The following RNF224 variants were observed in gnomAD, a reference collection of about 807,000 sequenced individuals.
RNF224 encodes the protein ring finger protein 224.
RNF224 carries 1 observed loss-of-function variant against 2.9 expected under a neutral mutation model. That is an observed-to-expected ratio of 0.35 (90% confidence interval 0.12 to 1.66). The LOEUF is 1.66. Among genes scored for constraint, RNF224 ranks in the 40% most tolerant of loss-of-function variants. The probability of loss-of-function intolerance (pLI) is 0.35; values close to 1 mark genes in which losing one functional copy is unlikely to be tolerated. For synonymous variants in RNF224, 116 were observed against 97.6 expected, an observed-to-expected ratio of 1.19 and a Z score of -1.11; for missense variants, 254 against 221.8, an observed-to-expected ratio of 1.15 and a Z score of -0.92.
chr9:137,228,116 G>A (rs866969782), intron 1 of RNF224, 36 bp from the exon 2 acceptor site: 30 of 556,074 alleles, frequency 5.4e-5, no homozygotes, highest in Admixed American at 4.6e-4. Context: ...GGGGGCGGGG[G>A]GCACCTTATC....
At chr9:137,228,048 C>A (rs1332935366) in intron 1 of RNF224, 104 bp from the exon 2 acceptor site, 9 of 463,812 alleles carry the variant, frequency 1.9e-5, no homozygotes, top group African/African-American at 6.8e-5. Flanking sequence ...GACCCCAAGG[C>A]CAGCCTGGAT....
rs1390482675 is a variant in RNF224, at chr9:137,228,916, G to A, written c.301G>A (p.Ala101Thr). ...GGCGGTCAAGGCTGAGCGGGAGCCG[G>A]CAAGACTAGAACCCCTGCCCCTCAC... Reference protein sequence around the residue: ...FLAVKAEREPARLEPLPLTSL... With the variant: ...FLAVKAEREPTRLEPLPLTSL... Residue 101 changes from alanine to threonine, a missense_variant, in exon 3 of 3, where the codon GCA becomes ACA. Ala to Thr is a moderately conservative substitution (Grantham distance 58, BLOSUM62 0). Transcript: ENST00000445101. 1.3e-6 allele frequency: 2 copies of A among 1,535,754 alleles called. No individual in the cohort carries two copies. The highest frequency in any genetic ancestry group is 2.4e-5 in the South Asian group (2 of 84,064).
Position 137,229,059 on chromosome 9 carries a change from C to T in RNF224, c.444C>T (p.Cys148=). The part of the protein sequence containing the change: ...YCCWGCGSLC[C]PPLGSPEV ...GCTGGGGCTGTGGCAGCCTCTGCTG[C>T]CCACCCCTAGGCAGCCCCGAGGTCT... The change falls in exon 3 of 3, where the codon TGC becomes TGT. Residue 148 remains cysteine (C), a synonymous_variant. Transcript: ENST00000445101. 6.5e-7 allele frequency: 1 copy of T among 1,532,186 alleles called. No individual in the cohort carries two copies. The highest frequency in any genetic ancestry group is 8.7e-7 in the Non-Finnish European group (1 of 1,143,912). The allele number at this position is 1,532,186 out of a possible 1,614,324, so 94.9% of individuals were successfully genotyped here. A position where few individuals can be genotyped will look rare whatever the true frequency, so the allele number is the denominator to read the frequency against.
At chr9:137,228,419 G>T (rs1018713984) in intron 2 of RNF224, 78 bp downstream of exon 2, 1 of 1,341,950 alleles carries the variant, frequency 7.5e-7, no homozygotes, top group Admixed American at 2.9e-5. Context: ...GGAACAGGAG[G>T]CTGCCCGGCT....
rs149181335 is a variant in RNF224 at position 137,228,772 on chromosome 9, C to T, written c.157C>T (p.Arg53Trp). ...CGHTFCQACVRRLDTPAPEQR... is the reference protein window; with the variant it reads ...CGHTFCQACVWRLDTPAPEQR... Reference sequence around the variant, plus strand: ...ACACACCTTCTGCCAGGCGTGTGTGCGGCGGCTGGACACACCGGCGCCCGA... The same window carrying T: ...ACACACCTTCTGCCAGGCGTGTGTGTGGCGGCTGGACACACCGGCGCCCGA... The change falls in exon 3 of 3, where the codon CGG becomes TGG. Residue 53 changes from arginine (R) to tryptophan (W), a missense_variant. Transcript: ENST00000445101. 5.7e-5 allele frequency: 87 copies of T among 1,532,880 alleles called. No individual in the cohort carries two copies. Among genetic ancestry groups the T allele is most frequent in the Middle Eastern group, 5.3e-4 (3 of 5,686 alleles). The allele number at this position is 1,532,880 out of a possible 1,614,324, so 95.0% of individuals were successfully genotyped here. A position where few individuals can be genotyped will look rare whatever the true frequency, so the allele number is the denominator to read the frequency against.
At position 137,228,732 on chromosome 9, in the gene RNF224, C is replaced by G; in HGVS notation, c.117C>G (p.Arg39=). 1 of 1,530,418 alleles carries G rather than the reference C, an allele frequency of 6.5e-7. No individual in the cohort carries two copies. The highest frequency in any genetic ancestry group is 8.7e-7 in the Non-Finnish European group (1 of 1,143,344). The allele number at this position is 1,530,418 out of a possible 1,614,324, so 94.8% of individuals were successfully genotyped here. ...ATGACCTCTCCGGGCACCTGCCCCG[C>G]CGCCTCTACTGTGGACACACCTTCT... ...SAYDLSGHLP[R]RLYCGHTFCQ... The change falls in exon 3 of 3, where the codon CGC becomes CGG. Residue 39 remains arginine, a synonymous_variant. Transcript: ENST00000445101.
chr9:137,228,910 G>A lies in RNF224; in HGVS notation c.295G>A (p.Glu99Lys), dbSNP rs909989055. 6.5e-7 allele frequency: 1 copy of A among 1,535,748 alleles called. No individual in the cohort carries two copies. Among genetic ancestry groups the A allele is most frequent in the Non-Finnish European group, 8.7e-7 (1 of 1,146,816 alleles). ...AAFLAVKAER[E>K]PARLEPLPLT... Reference sequence around the variant, plus strand: ...TTTCCTGGCGGTCAAGGCTGAGCGGGAGCCGGCAAGACTAGAACCCCTGCC... The same window carrying A: ...TTTCCTGGCGGTCAAGGCTGAGCGGAAGCCGGCAAGACTAGAACCCCTGCC... The change falls in exon 3 of 3, where the codon GAG becomes AAG. Residue 99 changes from glutamate to lysine, a missense_variant. Physicochemically the swap from Glu to Lys is moderately conservative, Grantham distance 56. Coordinates refer to ENST00000445101, the MANE Select transcript of RNF224 (RefSeq NM_001190228.2).
At chr9:137,228,125 T>C (rs1253847746) in intron 1 of RNF224, 27 bp from the exon 2 acceptor site, 2 of 563,692 alleles carry the variant, frequency 3.5e-6, no homozygotes, top group Non-Finnish European at 6.3e-6. Flanking sequence ...GGGCACCTTA[T>C]CTCTTGCAAG....
In RNF224 at chr9:137,229,351, T is replaced by G. The variant is rs766836805; in HGVS notation, c.*265T>G. 2 of 536,276 alleles carry G rather than the reference T, an allele frequency of 3.7e-6. No homozygotes were observed. The highest frequency in any genetic ancestry group is 6.7e-6 in the Non-Finnish European group (2 of 297,164). 33.2% of individuals were successfully genotyped at this position (536,276 alleles called of 1,614,324 possible). On this transcript the variant is annotated 3_prime_UTR_variant, in exon 3 of 3. Transcript: ENST00000445101. ...GACCCCAGACTAGCCCGACCGGATG[T>G]GCCTGGTGAGGACACTGCTGTCTGA...
chr9:137,229,097 T>G lies in RNF224; in HGVS notation c.*11T>G. 2 of 1,439,244 alleles carry G rather than the reference T, an allele frequency of 1.4e-6. No individual in the cohort carries two copies. The highest frequency in any genetic ancestry group is 1.9e-6 in the Non-Finnish European group (2 of 1,062,564). 89.2% of individuals were successfully genotyped at this position (1,439,244 alleles called of 1,614,324 possible). The stretch of plus-strand genomic sequence containing the variant: ...AGCCCCGAGGTCTGAACTCTGGCCA[T>G]TCCCACCCCTGCAGGGGAAATGCCT... On this transcript the variant is annotated 3_prime_UTR_variant, in exon 3 of 3. Coordinates refer to ENST00000445101, the MANE Select transcript of RNF224 (RefSeq NM_001190228.2).
In RNF224 at chr9:137,228,360, G is replaced by A. The variant is rs1249062142; in HGVS notation, c.6+19G>A. 1 of 1,472,056 alleles carries A rather than the reference G, an allele frequency of 6.8e-7. No individual in the cohort carries two copies. Among genetic ancestry groups the A allele is most frequent in the Middle Eastern group, 1.8e-4 (1 of 5,712 alleles). 91.2% of individuals were successfully genotyped at this position (1,472,056 alleles called of 1,614,324 possible). A position where few individuals can be genotyped will look rare whatever the true frequency, so the allele number is the denominator to read the frequency against. The stretch of plus-strand genomic sequence containing the variant: ...CATGCAGGTAAGAGGCCTGGGCTCA[G>A]GTCGGCCAGGAGGGTGGGGGCCTGG... On this transcript the variant is annotated intron_variant, in intron 2 of 2. Transcript: ENST00000445101.
Position 137,228,776 on chromosome 9 carries a change from G to T in RNF224, c.161G>T (p.Arg54Leu), listed in dbSNP as rs558424599. Residue 54 changes from arginine (R) to leucine (L), a missense_variant, in exon 3 of 3, where the codon CGG becomes CTG. Physicochemically the swap from Arg to Leu is moderately radical, Grantham distance 102 (BLOSUM62 -2). Coordinates refer to ENST00000445101, the MANE Select transcript of RNF224 (RefSeq NM_001190228.2). ...GHTFCQACVR[R>L]LDTPAPEQRW... ...ACCTTCTGCCAGGCGTGTGTGCGGC[G>T]GCTGGACACACCGGCGCCCGAGCAG... is the stretch of plus-strand genomic sequence containing the variant. 2 of 1,533,270 alleles carry T rather than the reference G, an allele frequency of 1.3e-6. No individual in the cohort carries two copies. The highest frequency in any genetic ancestry group is 8.7e-7 in the Non-Finnish European group (1 of 1,145,318). 95.0% of individuals were successfully genotyped at this position (1,533,270 alleles called of 1,614,324 possible).
chr9:137,227,834 A>C lies in RNF224; in HGVS notation c.-212A>C. ...AGGAGGGAACCCTGGCAGGCTTCCT[A>C]GAGGAGGAGATGTGAGCAGAGGCCA... On this transcript the variant is annotated 5_prime_UTR_variant, in exon 1 of 3. Transcript: ENST00000445101. 1.3e-5 allele frequency: 2 copies of C among 154,358 alleles called. No homozygotes were observed. The highest frequency in any genetic ancestry group is 3.2e-3 in the Middle Eastern group (1 of 308). The allele number at this position is 154,358 out of a possible 1,614,324, so 9.6% of individuals were successfully genotyped here.
In RNF224 at chr9:137,228,895, G is replaced by A. The variant is rs1213882432; in HGVS notation, c.280G>A (p.Val94Ile). ...CCTGGACCTGGCTGCTTTCCTGGCG[G>A]TCAAGGCTGAGCGGGAGCCGGCAAG... is the stretch of plus-strand genomic sequence containing the variant. ...LDLDLAAFLA[V>I]KAEREPARLE... is the part of the protein sequence containing the mutation. Residue 94 changes from valine (V) to isoleucine (I), a missense_variant, in exon 3 of 3, where the codon GTC (valine) becomes ATC (isoleucine). Coordinates refer to ENST00000445101, the MANE Select transcript of RNF224 (RefSeq NM_001190228.2). 3.3e-6 allele frequency: 5 copies of A among 1,535,602 alleles called. No homozygotes were observed. The highest frequency in any genetic ancestry group is 4.4e-6 in the Non-Finnish European group (5 of 1,146,824).
At position 137,228,726 on chromosome 9, in the gene RNF224, G is replaced by GC; in HGVS notation, c.115dup (p.Arg39ProfsTer59). On this transcript the variant is annotated frameshift_variant, in exon 3 of 3. Coordinates refer to ENST00000445101, the MANE Select transcript of RNF224 (RefSeq NM_001190228.2). LOFTEE classifies it low-confidence loss of function (END_TRUNC). Reference sequence around the variant, plus strand: ...CGGCCTATGACCTCTCCGGGCACCTGCCCCGCCGCCTCTACTGTGGACACA... The same window carrying GC: ...CGGCCTATGACCTCTCCGGGCACCTGCCCCCGCCGCCTCTACTGTGGACACA... The GC allele has an allele frequency of 6.5e-7, 1 of 1,529,736 alleles. No individual in the cohort carries two copies. Among genetic ancestry groups the GC allele is most frequent in the Non-Finnish European group, 8.7e-7 (1 of 1,143,002 alleles). The allele number at this position is 1,529,736 out of a possible 1,614,324, so 94.8% of individuals were successfully genotyped here. A position where few individuals can be genotyped will look rare whatever the true frequency, so the allele number is the denominator to read the frequency against.
At chr9:137,228,457 G>T in intron 2 of RNF224, 116 bp downstream of exon 2, 2 of 1,167,228 alleles carry the variant, frequency 1.7e-6, no homozygotes, top group Non-Finnish European at 2.3e-6. Context: ...GAAGTGTGCA[G>T]ACCCTGGTTC....
rs1477843657 is a variant in RNF224 at position 137,228,854 on chromosome 9, G to T, written c.239G>T (p.Gly80Val). 5.2e-6 allele frequency: 8 copies of T among 1,535,616 alleles called. No homozygotes were observed. In the East Asian group the frequency reaches 1.2e-4, roughly 23 times the overall value. Residue 80 changes from glycine to valine, a missense_variant, in exon 3 of 3, where the codon GGG becomes GTG. Transcript: ENST00000445101. The part of the protein sequence containing the change: ...CRQSTPTPRG[G>V]VAMLDLDLAA... ...CAGAGCACGCCCACGCCTCGCGGAGGGGTGGCCATGCTAGACCTGGACCTG... is the reference window on the plus strand; with the variant it reads ...CAGAGCACGCCCACGCCTCGCGGAGTGGTGGCCATGCTAGACCTGGACCTG...
chr9:137,228,659 GGGGGCCCCC>G lies in RNF224; in HGVS notation c.47_55del (p.Gly16_Pro18del). The G allele has an allele frequency of 6.9e-7, 1 of 1,459,844 alleles. No homozygotes were observed. The highest frequency in any genetic ancestry group is 2.5e-5 in the East Asian group (1 of 40,066). The allele number at this position is 1,459,844 out of a possible 1,614,324, so 90.4% of individuals were successfully genotyped here. ...GGAGGGCCCCCAGGCCTCGGAGGAGGGGGGCCCCCGGAGGAGAGGACAGACTGCATCATC... is the reference window on the plus strand; with the variant it reads ...GGAGGGCCCCCAGGCCTCGGAGGAGGGGAGGAGAGGACAGACTGCATCATC... On this transcript the variant is annotated inframe_deletion, in exon 3 of 3. Transcript: ENST00000445101.
At chr9:137,228,572 G>C in intron 2 of RNF224, 50 bp from the exon 3 acceptor site, 1 of 1,371,012 alleles carries the variant, frequency 7.3e-7, no homozygotes, top group Non-Finnish European at 9.6e-7. Flanking sequence ...ACCCCATCCA[G>C]GCGGAAGGTC....
Sources: gnomAD v4.1 joint callset for allele counts on GRCh38, gnomAD v4.1.1 for gene constraint, MANE v1.5 for transcripts, NCBI Gene and HGNC (gene_info 2026-07-23, HGNC 2026-07-21) for gene names.